The following EXOC6 variants were observed in gnomAD, a reference collection of about 807,000 sequenced individuals.
The protein encoded by EXOC6 is SEC15-like 1.
Under a neutral mutation model 112.5 loss-of-function variants are expected in EXOC6, and 60 were observed. That is an observed-to-expected ratio of 0.53 (90% CI 0.43 to 0.66). EXOC6 has a LOEUF of 0.66. Among genes scored for constraint, EXOC6 ranks in the 30% least tolerant of loss-of-function variants. The pLI, the probability that EXOC6 is intolerant of heterozygous loss-of-function variation, is 0.00. For missense variants in EXOC6, 855 were observed against 957.1 expected (o/e 0.89, Z 1.41); for synonymous variants, 295 against 308.0 (o/e 0.96, Z 0.44).
At chr10:92,965,619 T>G (rs902983031) in intron 17 of EXOC6, among the ~76,000 whole-genome samples, 1 of 152,196 alleles carries the variant, frequency 6.6e-6, no homozygotes, top group African/African-American at 2.4e-5. Context: ...TAGCAATTAC[T>G]AAATCGTTAG....
intron 19 of EXOC6, among the ~76,000 whole-genome samples, chr10:93,009,769 G>C (rs1187545911): frequency 1.3e-5 from 2 of 152,214 alleles, no homozygotes; most frequent in Non-Finnish European, 2.9e-5. Flanking sequence ...GTTTGGTGTG[G>C]TATAGAAACT....
At chr10:92,829,812 C>T (rs548110941), upstream of EXOC6, among the ~76,000 whole-genome samples, 88 of 152,300 alleles carry the variant, frequency 5.8e-4, 1 homozygote, top group African/African-American at 2.0e-3. Context: ...AGCCAAATCC[C>T]ACCGAAACCA....
chr10:92,953,227 C>T (rs1329361534), intron 15 of EXOC6, among the ~76,000 whole-genome samples: 3 of 151,778 alleles, frequency 2.0e-5, no homozygotes, highest in African/African-American at 4.8e-5. Flanking sequence ...CACAGGTTCG[C>T]GCCACTGCTC....
intron 18 of EXOC6, among the ~76,000 whole-genome samples, chr10:92,985,605 A>G (rs1035068341): frequency 6.6e-6 from 1 of 152,122 alleles, no homozygotes; most frequent in African/African-American, 2.4e-5. Flanking sequence ...GATCATCTCT[A>G]AAGTCCCTGT....
At chr10:93,056,475 G>C (rs1256650944) in intron 20 of EXOC6, among the ~76,000 whole-genome samples, 7 of 152,058 alleles carry the variant, frequency 4.6e-5, no homozygotes, top group Non-Finnish European at 1.5e-5. Context: ...AAAAGTCTTA[G>C]GTGCAAACAG....
At chr10:92,909,081 A>G (rs1391290236) in intron 5 of EXOC6, among the ~76,000 whole-genome samples, 1 of 152,228 alleles carries the variant, frequency 6.6e-6, no homozygotes, top group Admixed American at 6.5e-5. Context: ...AGAATACAAA[A>G]TCATATAACA....
intron 6 of EXOC6, among the ~76,000 whole-genome samples, chr10:92,911,233 C>T (rs1308845990): frequency 6.6e-6 from 1 of 152,082 alleles, no homozygotes; most frequent in Admixed American, 6.5e-5. Context: ...CCAAGTATTA[C>T]AAACTACTTT....
At chr10:93,016,560 C>T (rs1380166228) in intron 20 of EXOC6, among the ~76,000 whole-genome samples, 1 of 152,012 alleles carries the variant, frequency 6.6e-6, no homozygotes. Context: ...GGAAAGGGCC[C>T]CTGGAAGCTC....
chr10:92,920,984 A>G (rs182327887), intron 8 of EXOC6, among the ~76,000 whole-genome samples: 3 of 152,246 alleles, frequency 2.0e-5, no homozygotes, highest in Admixed American at 2.0e-4. Context: ...CTTTGAATCT[A>G]AAGTATGTCT....
At chr10:92,875,669 A>G (rs756884420) in intron 1 of EXOC6, among the ~76,000 whole-genome samples, 13 of 152,288 alleles carry the variant, frequency 8.5e-5, no homozygotes, top group Admixed American at 1.3e-4. Flanking sequence ...TAGAGAGCAG[A>G]AAAAAATCAC....
At chr10:93,033,431 A>G (rs1845362625) in intron 20 of EXOC6, among the ~76,000 whole-genome samples, 1 of 152,194 alleles carries the variant, frequency 6.6e-6, no homozygotes, top group South Asian at 2.1e-4. Context: ...GAGAACTGTG[A>G]GTTGTACAAT....
chr10:93,010,789 C>T (rs1399987175), intron 19 of EXOC6, among the ~76,000 whole-genome samples: 2 of 151,516 alleles, frequency 1.3e-5, no homozygotes, highest in Non-Finnish European at 2.9e-5. Context: ...TTGTCTCTTT[C>T]AGTTGCAAGA....
chr10:92,935,918 T>TG (rs1325942958), intron 12 of EXOC6, 33 bp downstream of exon 12: 2 of 1,365,480 alleles, frequency 1.5e-6, no homozygotes, highest in Non-Finnish European at 2.1e-6. Context: ...ATGGTTATTC[T>TG]GATCACTTAA....
chr10:92,993,818 G>A (rs1418130769), intron 18 of EXOC6, among the ~76,000 whole-genome samples: 4 of 152,160 alleles, frequency 2.6e-5, no homozygotes, highest in African/African-American at 9.7e-5. Flanking sequence ...TTGTTCCTGT[G>A]ATTGGCATTA....
rs148401648 is a variant in EXOC6, at chr10:92,895,004, G to A, written c.396G>A (p.Leu132=). 2.1e-5 allele frequency: 34 copies of A among 1,606,700 alleles called. No individual in the cohort carries two copies. Among genetic ancestry groups the A allele is most frequent in the Non-Finnish European group, 2.8e-5 (33 of 1,173,518 alleles). ...ATATTACAACTGTAGTAGAAAAATT[G>A]CAGTTATGCCTTCCTGGTGAGTTAA... is the stretch of plus-strand genomic sequence containing the variant. ...QRNITTVVEK[L]QLCLPVLEMY... The change falls in exon 4 of 22, where the codon TTG becomes TTA. Residue 132 remains leucine, a synonymous_variant. Transcript: ENST00000260762.
chr10:92,849,365 A>G (rs1329468060), intron 1 of EXOC6, among the ~76,000 whole-genome samples: 1 of 152,176 alleles, frequency 6.6e-6, no homozygotes, highest in Non-Finnish European at 1.5e-5. Flanking sequence ...TTCCGTTTAA[A>G]TCGAGTTCCT....
rs1851837355 is a variant in EXOC6 at position 92,928,372 on chromosome 10, A to T, written c.922A>T (p.Lys308Ter). The T allele has an allele frequency of 1.9e-6, 3 of 1,610,590 alleles. No individual in the cohort carries two copies. Among genetic ancestry groups the T allele is most frequent in the Non-Finnish European group, 2.5e-6 (3 of 1,178,260 alleles). ...DEETFENYYR[K>*]QRKKQARLVL... The stretch of plus-strand genomic sequence containing the variant: ...GGAAACATTTGAAAACTATTATCGA[A>T]AACAAAGAAAGAAACAAGCAAGACT... Residue 308 changes from lysine to a stop codon, truncating the protein, a stop_gained, in exon 9 of 22, where the codon AAA becomes TAA. Transcript: ENST00000260762. LOFTEE classifies it high-confidence loss of function.
chr10:92,834,130 T>C (rs1459638486), upstream of EXOC6, among the ~76,000 whole-genome samples: 2 of 152,124 alleles, frequency 1.3e-5, no homozygotes, highest in African/African-American at 4.8e-5. Context: ...TGGAGGAAAT[T>C]GACACAGCAA....
At chr10:92,832,363 C>T (rs1404554331), upstream of EXOC6, among the ~76,000 whole-genome samples, 5 of 151,986 alleles carry the variant, frequency 3.3e-5, no homozygotes, top group African/African-American at 7.3e-5. Flanking sequence ...CTGCAACCTC[C>T]GCCTCCCGGG....
Sources: gnomAD v4.1 joint callset for allele counts (sites outside exome capture counted in the v4.1 genomes callset) on GRCh38, gnomAD v4.1.1 for gene constraint, MANE v1.5 for transcripts, NCBI Gene and HGNC (gene_info 2026-07-23, HGNC 2026-07-21) for gene names.